The following SLC49A4 variants were observed in gnomAD, a reference collection of about 807,000 sequenced individuals.
SLC49A4 encodes the protein disrupted in renal cancer protein 2.
SLC49A4 carries 36 observed loss-of-function variants against 50.6 expected under a neutral mutation model. The ratio of observed to expected loss-of-function variants is 0.71; its 90% CI spans 0.55 to 0.94. The LOEUF (loss-of-function observed/expected upper bound fraction) is 0.94, where lower values mean the gene tolerates loss of function less well. Ranked by LOEUF, SLC49A4 falls within the 40% of genes least tolerant of loss-of-function variation. The pLI is 0.00. For synonymous variants in SLC49A4, 248 were observed against 241.2 expected (o/e 1.03, Z -0.26); for missense variants, 503 against 605.7 (o/e 0.83, Z 1.78).
At chr3:122,867,269 T>C (rs2107582141) in intron 7 of SLC49A4, among the ~76,000 whole-genome samples, 1 of 152,370 alleles carries the variant, frequency 6.6e-6, no homozygotes, top group South Asian at 2.1e-4. Flanking sequence ...GAAATAGGCC[T>C]TTCATGTCAA....
intron 2 of SLC49A4, 66 bp downstream of exon 2, chr3:122,807,016 G>C (rs1284831408): frequency 2.2e-6 from 2 of 912,598 alleles, no homozygotes; most frequent in Non-Finnish European, 3.5e-6. Flanking sequence ...TTTTTAAGAA[G>C]ATCAGTAAAG....
chr3:122,801,545 C>T (rs532195526), intron 1 of SLC49A4, among the ~76,000 whole-genome samples: 2 of 152,152 alleles, frequency 1.3e-5, no homozygotes, highest in South Asian at 4.2e-4. Flanking sequence ...GAGCTGAGAT[C>T]GAGATCGCGC....
intron 4 of SLC49A4, 78 bp downstream of exon 4, chr3:122,833,524 G>T (rs911936211): frequency 2.2e-6 from 3 of 1,388,536 alleles, no homozygotes; most frequent in African/African-American, 2.9e-5. Flanking sequence ...AATAATTTAA[G>T]ATAGTAATTT....
intron 1 of SLC49A4, among the ~76,000 whole-genome samples, chr3:122,804,066 G>T (rs1936174450): frequency 6.6e-6 from 1 of 152,158 alleles, no homozygotes; most frequent in African/African-American, 2.4e-5. Context: ...AAAGAAAAGA[G>T]GTTTCATTGG....
intron 7 of SLC49A4, among the ~76,000 whole-genome samples, chr3:122,863,866 T>C (rs1937084552): frequency 6.6e-6 from 1 of 152,200 alleles, no homozygotes; most frequent in Non-Finnish European, 1.5e-5. Context: ...CCATGTGTTA[T>C]AAGTGCTACT....
intron 2 of SLC49A4, among the ~76,000 whole-genome samples, chr3:122,825,572 G>A (rs1406710784): frequency 4.0e-5 from 6 of 151,148 alleles, no homozygotes; most frequent in Admixed American, 1.3e-4. Context: ...CTCTCCCCAC[G>A]TGCCTGTTTA....
At chr3:122,845,691 A>G (rs1936839238) in intron 4 of SLC49A4, 72 bp from the exon 5 acceptor site, 1 of 750,632 alleles carries the variant, frequency 1.3e-6, no homozygotes, top group East Asian at 3.4e-5. Context: ...CAAATGACAT[A>G]CATTTTTCAT....
At chr3:122,879,223 T>TA (rs755590821) in intron 8 of SLC49A4, 40 bp from the exon 9 acceptor site, 3 of 1,420,556 alleles carry the variant, frequency 2.1e-6, no homozygotes, top group Non-Finnish European at 3.0e-6. Flanking sequence ...CTGCTGGTGA[T>TA]ACATGAATGT....
At chr3:122,817,349 A>G (rs1320491293) in intron 2 of SLC49A4, among the ~76,000 whole-genome samples, 2 of 152,148 alleles carry the variant, frequency 1.3e-5, no homozygotes, top group Non-Finnish European at 2.9e-5. Context: ...AATCAGGGAA[A>G]CAGATTCTCT....
intron 6 of SLC49A4, among the ~76,000 whole-genome samples, chr3:122,857,099 T>C (rs1429356316): frequency 6.6e-6 from 1 of 152,070 alleles, no homozygotes; most frequent in Non-Finnish European, 1.5e-5. Context: ...GAACAGGCAG[T>C]GTCCTGATTA....
At chr3:122,810,972 AAAAGT>A (rs1936289921) in intron 2 of SLC49A4, among the ~76,000 whole-genome samples, 3 of 152,220 alleles carry the variant, frequency 2.0e-5, no homozygotes, top group African/African-American at 7.2e-5. Context: ...AATGAATCAT[AAAAGT>A]ATTAGAACAT....
At chr3:122,876,264 T>C (rs1316847225) in intron 8 of SLC49A4, among the ~76,000 whole-genome samples, 1 of 152,218 alleles carries the variant, frequency 6.6e-6, no homozygotes, top group Non-Finnish European at 1.5e-5. Context: ...GTTTGTGTTA[T>C]CTGTTACTTT....
Position 122,796,837 on chromosome 3 carries a change from G to A in SLC49A4, c.343+1302G>A, listed in dbSNP as rs562968357. On this transcript the variant is annotated intron_variant, in intron 1 of 8. Coordinates refer to ENST00000261038, the MANE Select transcript of SLC49A4 (RefSeq NM_032839.3). ...GGTCGAAGCTGGAGTGAGCTGTGAT[G>A]GCACCACTGCACTCTGCCCTGGTCA... Among the ~76,000 whole-genome samples, 20 of 152,268 alleles carry A rather than the reference G, an allele frequency of 1.3e-4. No individual in the cohort carries two copies. In the South Asian group the frequency reaches 2.7e-3, roughly 20 times the overall value.
intron 8 of SLC49A4, 108 bp from the exon 9 acceptor site, chr3:122,879,155 A>C (rs1937302265): frequency 2.6e-6 from 2 of 782,820 alleles, no homozygotes; most frequent in African/African-American, 3.5e-5. Flanking sequence ...TCCAGGGTAC[A>C]TTTATTATAA....
intron 5 of SLC49A4, among the ~76,000 whole-genome samples, chr3:122,852,322 T>G (rs187727130): frequency 3.3e-5 from 5 of 152,320 alleles, no homozygotes; most frequent in Admixed American, 1.3e-4. Context: ...AGTTGACAGA[T>G]TTCAGTAGAA....
intron 2 of SLC49A4, among the ~76,000 whole-genome samples, chr3:122,810,398 CA>C (rs1936282057): frequency 6.6e-6 from 1 of 151,832 alleles, no homozygotes; most frequent in Admixed American, 6.6e-5. Context: ...AATAATACCC[CA>C]AAAAAATTGT....
intron 1 of SLC49A4, among the ~76,000 whole-genome samples, chr3:122,803,225 C>T (rs1294145281): frequency 6.6e-6 from 1 of 151,992 alleles, no homozygotes; most frequent in East Asian, 1.9e-4. Context: ...AACTTGTGGG[C>T]AGAGAGAGTA....
chr3:122,846,912 G>A (rs1020941766), intron 5 of SLC49A4, among the ~76,000 whole-genome samples: 1 of 152,220 alleles, frequency 6.6e-6, no homozygotes, highest in Non-Finnish European at 1.5e-5. Context: ...GACTTTGGGG[G>A]ACTCCAGTAA....
chr3:122,810,775 C>T (rs1029034154), intron 2 of SLC49A4, among the ~76,000 whole-genome samples: 2 of 152,146 alleles, frequency 1.3e-5, no homozygotes, highest in Admixed American at 1.3e-4. Flanking sequence ...TAGAAATATA[C>T]TCCATTGTGA....
Sources: allele counts gnomAD v4.1 joint callset (sites outside exome capture counted in the v4.1 genomes callset), GRCh38; gene constraint gnomAD v4.1.1; transcripts MANE v1.5; gene names NCBI Gene and HGNC (gene_info 2026-07-23, HGNC 2026-07-21).